The following IRAK2 variants were observed in gnomAD, a reference collection of about 807,000 sequenced individuals.
The protein encoded by IRAK2 is interleukin-1 receptor-associated kinase-like 2.
In IRAK2, 57 loss-of-function variants were observed where a neutral mutation model predicts 72.0. That is an observed-to-expected ratio of 0.79 (90% CI 0.64 to 0.99). The LOEUF is 0.99. Ranked by LOEUF, IRAK2 falls within the 50% of genes least tolerant of loss-of-function variation. The pLI is 0.00. For synonymous variants in IRAK2, 293 were observed against 312.7 expected, an observed-to-expected ratio of 0.94 and a Z score of 0.67; for missense variants, 790 against 794.4, an observed-to-expected ratio of 0.99 and a Z score of 0.07.
intron 10 of IRAK2, among the ~76,000 whole-genome samples, chr3:10,226,812 C>A (rs1037315491): frequency 2.6e-5 from 4 of 151,652 alleles, no homozygotes; most frequent in Admixed American, 2.6e-4. Context: ...CAGGTGTGGT[C>A]GCATGTGCCT....
intron 3 of IRAK2, among the ~76,000 whole-genome samples, chr3:10,205,797 G>T (rs1697425494): frequency 6.6e-6 from 1 of 152,254 alleles, no homozygotes; most frequent in Admixed American, 6.5e-5. Flanking sequence ...TTGGTTGAAA[G>T]AAAACCGTCA....
intron 12 of IRAK2, among the ~76,000 whole-genome samples, chr3:10,239,579 T>G (rs973320396): frequency 1.3e-5 from 2 of 151,898 alleles, no homozygotes; most frequent in African/African-American, 4.8e-5. Context: ...ACAAAAAAAT[T>G]AGCTGGGCAT....
intron 8 of IRAK2, among the ~76,000 whole-genome samples, chr3:10,220,078 G>A (rs949449814): frequency 8.5e-5 from 13 of 152,268 alleles, no homozygotes; most frequent in African/African-American, 9.6e-5. Context: ...ACCTTGCTGC[G>A]TCGCACTGTC....
intron 4 of IRAK2, among the ~76,000 whole-genome samples, chr3:10,210,151 C>T (rs760293448): frequency 4.6e-5 from 7 of 152,142 alleles, no homozygotes; most frequent in African/African-American, 1.4e-4. Flanking sequence ...GAACTCCTGA[C>T]GTCAGGTGAT....
rs780466804 is a variant in IRAK2 at position 10,222,827 on chromosome 3, G to C, written c.1205G>C (p.Gly402Ala). 6.2e-7 allele frequency: 1 copy of C among 1,613,884 alleles called. No homozygotes were observed. The highest frequency in any genetic ancestry group is 8.5e-7 in the Non-Finnish European group (1 of 1,179,754). The stretch of plus-strand genomic sequence containing the variant: ...AAGCGAGTGGACATCTTCAGCTGTG[G>C]AATAGTAAGAGTGTCCTGCTCTGCG... ...LTKRVDIFSC[G>A]IVLAEVLTGI... The change falls in exon 9 of 13, where the codon GGA becomes GCA. Residue 402 changes from glycine (G) to alanine (A), a missense_variant. Coordinates refer to ENST00000256458, the MANE Select transcript of IRAK2 (RefSeq NM_001570.4).
rs4019566 is a variant in IRAK2 at position 10,241,801 on chromosome 3, C to CA, written c.1766-290dup. On this transcript the variant is annotated intron_variant, in intron 12 of 12. Transcript: ENST00000256458. Reference sequence around the variant, plus strand: ...TGAGCAACAGAGTGAGACTCCATCTCAAAAAAAAAAAAAAAAAAAAAAAAA... The same window carrying CA: ...TGAGCAACAGAGTGAGACTCCATCTCAAAAAAAAAAAAAAAAAAAAAAAAAA... Among the ~76,000 whole-genome samples the CA allele has an allele frequency of 8.4e-3, 701 of 83,026 alleles. 14 individuals are homozygous for CA. The highest frequency in any genetic ancestry group is 0.01 in the Non-Finnish European group (453 of 43,908). The allele number at this position is 83,026 out of a possible 152,430, so 54.5% of individuals were successfully genotyped here. A position where few individuals can be genotyped will look rare whatever the true frequency, so the allele number is the denominator to read the frequency against.
chr3:10,167,508 G>C (rs1696713922), intron 1 of IRAK2, among the ~76,000 whole-genome samples: 1 of 151,686 alleles, frequency 6.6e-6, no homozygotes, highest in Admixed American at 6.6e-5. Flanking sequence ...TCCACCTCCT[G>C]GGTTCATGCC....
At chr3:10,227,501 A>G (rs1365250621) in intron 10 of IRAK2, among the ~76,000 whole-genome samples, 1 of 152,120 alleles carries the variant, frequency 6.6e-6, no homozygotes, top group African/African-American at 2.4e-5. Flanking sequence ...AATACTTTCC[A>G]TACATTATCT....
At chr3:10,216,554 A>T (rs1285531529) in intron 6 of IRAK2, among the ~76,000 whole-genome samples, 1 of 152,152 alleles carries the variant, frequency 6.6e-6, no homozygotes, top group East Asian at 1.9e-4. Context: ...GGTGACTGAG[A>T]ACCAGCAGAA....
In IRAK2 at chr3:10,237,926, GCT is replaced by G. The variant is rs1491470021; in HGVS notation, c.1474-819_1474-818del. Among the ~76,000 whole-genome samples, 77 of 99,792 alleles carry G rather than the reference GCT, an allele frequency of 7.7e-4. 1 individual carries two copies. The highest frequency in any genetic ancestry group is 2.5e-3 in the African/African-American group (70 of 28,036). 65.5% of individuals were successfully genotyped at this position (99,792 alleles called of 152,430 possible). A position where few individuals can be genotyped will look rare whatever the true frequency, so the allele number is the denominator to read the frequency against. On this transcript the variant is annotated intron_variant, in intron 11 of 12. Coordinates refer to ENST00000256458, the MANE Select transcript of IRAK2 (RefSeq NM_001570.4). ...TACGGGTATAAGGGTATGTATGTGT[GCT>G]CTGTGTGTGTGTGTGTGTGTGTGTG...
chr3:10,184,471 ATG>A (rs1189946981), intron 2 of IRAK2, among the ~76,000 whole-genome samples: 3 of 152,096 alleles, frequency 2.0e-5, no homozygotes, highest in African/African-American at 7.2e-5. Context: ...CAAATCTGGT[ATG>A]TGTGGGTGAT....
intron 2 of IRAK2, among the ~76,000 whole-genome samples, chr3:10,180,296 G>A (rs1434395569): frequency 6.6e-6 from 1 of 152,124 alleles, no homozygotes; most frequent in African/African-American, 2.4e-5. Context: ...CTAGGTTCTG[G>A]AATACAGCAC....
intron 2 of IRAK2, among the ~76,000 whole-genome samples, chr3:10,190,749 C>G (rs892542131): frequency 6.6e-6 from 1 of 152,164 alleles, no homozygotes; most frequent in Non-Finnish European, 1.5e-5. Context: ...ATGCATTAGC[C>G]AGGATAGGCT....
At chr3:10,205,333 G>A (rs1697419863) in intron 3 of IRAK2, among the ~76,000 whole-genome samples, 1 of 152,196 alleles carries the variant, frequency 6.6e-6, no homozygotes, top group Non-Finnish European at 1.5e-5. Context: ...GGAGAGTAAT[G>A]GCTGGTGGGT....
chr3:10,190,148 CT>C (rs1697151563), intron 2 of IRAK2, among the ~76,000 whole-genome samples: 1 of 150,838 alleles, frequency 6.6e-6, no homozygotes, highest in South Asian at 2.1e-4. Context: ...ACCTTACCCG[CT>C]TCTTGGTAGG....
chr3:10,165,152 T>C, intron 1 of IRAK2, 104 bp downstream of exon 1: 1 of 1,002,438 alleles, frequency 1.0e-6, no homozygotes, highest in Non-Finnish European at 1.5e-6. Context: ...GTTCAGCGGG[T>C]CCCGATCCGA....
At chr3:10,171,938 G>A (rs1696800235) in intron 1 of IRAK2, among the ~76,000 whole-genome samples, 1 of 151,576 alleles carries the variant, frequency 6.6e-6, no homozygotes, top group South Asian at 2.1e-4. Flanking sequence ...GCTAGTTTTT[G>A]CATTTTCAGT....
chr3:10,221,354 C>T (rs557999783), intron 8 of IRAK2, among the ~76,000 whole-genome samples: 7 of 148,556 alleles, frequency 4.7e-5, no homozygotes, highest in Non-Finnish European at 7.4e-5. Context: ...CCCAGGTTCA[C>T]GCCATTCTCC....
chr3:10,222,551 A>G (rs1292843702), intron 8 of IRAK2, 85 bp from the exon 9 acceptor site: 5 of 1,103,886 alleles, frequency 4.5e-6, no homozygotes, highest in Non-Finnish European at 6.8e-6. Context: ...TGAGGTTGCT[A>G]TATTGTCTCC....
Sources: gnomAD v4.1 joint callset for allele counts (sites outside exome capture counted in the v4.1 genomes callset) on GRCh38, gnomAD v4.1.1 for gene constraint, MANE v1.5 for transcripts, NCBI Gene and HGNC (gene_info 2026-07-23, HGNC 2026-07-21) for gene names.